Variants in NTSR1 observed in about 807,000 individuals in gnomAD.
NTSR1 encodes the protein neurotensin receptor type 1.
NTSR1 carries 29 observed loss-of-function variants against 31.2 expected under a neutral mutation model. That is an observed-to-expected ratio of 0.93 (90% CI 0.69 to 1.27). NTSR1 has a LOEUF of 1.27. NTSR1 is among the 50% of genes most tolerant of loss of function. The pLI, the probability that NTSR1 is intolerant of heterozygous loss-of-function variation, is 0.00. For synonymous variants in NTSR1, 282 were observed against 269.9 expected, an observed-to-expected ratio of 1.04 and a Z score of -0.44; for missense variants, 697 against 595.4, an observed-to-expected ratio of 1.17 and a Z score of -1.78.
intron 1 of NTSR1, among the ~76,000 whole-genome samples, chr20:62,752,602 C>T: frequency 6.6e-6 from 1 of 152,260 alleles, no homozygotes; most frequent in East Asian, 1.9e-4. Context: ...GACCCTACAA[C>T]CCACCAGCCC....
Position 62,761,959 on chromosome 20 carries a change from C to G in NTSR1, c.*1692C>G, listed in dbSNP as rs1428748341. The G allele has an allele frequency of 2.6e-5, 4 of 152,384 alleles. No individual in the cohort carries two copies. The highest frequency in any genetic ancestry group is 5.9e-5 in the Non-Finnish European group (4 of 68,186). The allele number at this position is 152,384 out of a possible 1,614,324, so 9.4% of individuals were successfully genotyped here. On this transcript the variant is annotated 3_prime_UTR_variant, in exon 4 of 4. Transcript: ENST00000370501. ...GCCTGGTCATCAGCCAGGCAGCCCT[C>G]CCAGTGCCCAAGGGCCACCAACCCC...
intron 1 of NTSR1, among the ~76,000 whole-genome samples, chr20:62,712,724 C>T (rs1035703611): frequency 2.0e-5 from 3 of 152,212 alleles, no homozygotes; most frequent in South Asian, 2.1e-4. Context: ...GACTGTCCTA[C>T]CCATCCTCTA....
At chr20:62,727,864 G>A (rs1168862213) in intron 1 of NTSR1, among the ~76,000 whole-genome samples, 1 of 152,268 alleles carries the variant, frequency 6.6e-6, no homozygotes, top group Non-Finnish European at 1.5e-5. Context: ...CAAGGGTGGG[G>A]CCAAGTGGGC....
chr20:62,716,330 A>G (rs1431261605), intron 1 of NTSR1, among the ~76,000 whole-genome samples: 1 of 151,930 alleles, frequency 6.6e-6, no homozygotes, highest in Non-Finnish European at 1.5e-5. Context: ...CTGCTGAAAG[A>G]CGCCAGACTC....
Position 62,760,343 on chromosome 20 carries a change from C to G in NTSR1, c.*76C>G. The G allele has an allele frequency of 6.6e-7, 1 of 1,511,696 alleles. No individual in the cohort carries two copies. The highest frequency in any genetic ancestry group is 1.3e-5 in the South Asian group (1 of 78,670). The allele number at this position is 1,511,696 out of a possible 1,614,324, so 93.6% of individuals were successfully genotyped here. A position where few individuals can be genotyped will look rare whatever the true frequency, so the allele number is the denominator to read the frequency against. ...CCCCGACAGACAGAGCAGCCCCCACCCGGGAGCCTTGATGGGGGTCAGGCA... is the reference window on the plus strand; with the variant it reads ...CCCCGACAGACAGAGCAGCCCCCACGCGGGAGCCTTGATGGGGGTCAGGCA... On this transcript the variant is annotated 3_prime_UTR_variant, in exon 4 of 4. Transcript: ENST00000370501.
chr20:62,746,708 G>T (rs1176548159), intron 1 of NTSR1, among the ~76,000 whole-genome samples: 2 of 152,226 alleles, frequency 1.3e-5, no homozygotes, highest in Admixed American at 6.5e-5. Context: ...GCTTCCTAGA[G>T]TCAATCGCGA....
chr20:62,755,261 CTCCA>C (rs146951815), intron 2 of NTSR1, among the ~76,000 whole-genome samples: 27 of 132,814 alleles, frequency 2.0e-4, no homozygotes, highest in African/African-American at 7.9e-4. Flanking sequence ...CTACCTCTCC[CTCCA>C]TCCATCCCTC....
rs2147142913 is a variant in NTSR1, at chr20:62,741,739, A to C, written c.715-12946A>C. Among the ~76,000 whole-genome samples, 1 of 149,858 alleles carries C rather than the reference A, an allele frequency of 6.7e-6. No individual in the cohort carries two copies. The highest frequency in any genetic ancestry group is 2.1e-4 in the South Asian group (1 of 4,752). On this transcript the variant is annotated intron_variant, in intron 1 of 3. Transcript: ENST00000370501. This position sits in a 1 kb window ranked among gnomAD's most constrained non-coding sequence, Gnocchi z 4.3. ...GTCCCTGAGAGGTCGCCAAGGAGCCACAGCCTTGGACTAGATGCTCTCAAA... is the reference window on the plus strand; with the variant it reads ...GTCCCTGAGAGGTCGCCAAGGAGCCCCAGCCTTGGACTAGATGCTCTCAAA...
In NTSR1 at chr20:62,709,911, T is replaced by C. The variant is rs765918766; in HGVS notation, c.704T>C (p.Val235Ala). The change falls in exon 1 of 4, where the codon GTC becomes GCC. Residue 235 changes from valine to alanine, a missense_variant. By Grantham distance (64) the Val-to-Ala change is moderately conservative. Transcript: ENST00000370501. ...TPTIHTATVK[V>A]VIQVNTFMSF... ...ACCATCCACACTGCCACCGTCAAGG[T>C]CGTCATACAGGTGAGCCTCAGTAAC... is the stretch of plus-strand genomic sequence containing the variant. 5.6e-6 allele frequency: 9 copies of C among 1,593,332 alleles called. No homozygotes were observed. Among genetic ancestry groups the C allele is most frequent in the South Asian group, 3.3e-5 (3 of 89,686 alleles).
intron 1 of NTSR1, among the ~76,000 whole-genome samples, chr20:62,723,088 A>G (rs1193609924): frequency 6.6e-6 from 1 of 152,190 alleles, no homozygotes; most frequent in African/African-American, 2.4e-5. Flanking sequence ...GAAAAGGTGA[A>G]CTTACTGTAA....
intron 1 of NTSR1, among the ~76,000 whole-genome samples, chr20:62,713,453 G>A (rs891524647): frequency 8.5e-5 from 13 of 152,182 alleles, no homozygotes; most frequent in African/African-American, 3.1e-4. Context: ...CAGAATTCCG[G>A]GAAAGGAGAG....
At chr20:62,713,825 C>T (rs938292670) in intron 1 of NTSR1, among the ~76,000 whole-genome samples, 2 of 152,176 alleles carry the variant, frequency 1.3e-5, no homozygotes, top group Non-Finnish European at 2.9e-5. Flanking sequence ...GAAGGCCGGG[C>T]GTGGTGGCTC....
At position 62,709,616 on chromosome 20, in the gene NTSR1, G is replaced by C. The variant is rs1368126278; in HGVS notation, c.409G>C (p.Gly137Arg). 1.2e-6 allele frequency: 2 copies of C among 1,611,678 alleles called. No homozygotes were observed. The highest frequency in any genetic ancestry group is 1.3e-5 in the African/African-American group (1 of 74,932). Reference sequence around the variant, plus strand: ...CTGGGTGCACCACCCCTGGGCCTTCGGCGACGCCGGCTGCCGCGGCTACTA... The same window carrying C: ...CTGGGTGCACCACCCCTGGGCCTTCCGCGACGCCGGCTGCCGCGGCTACTA... ...FIWVHHPWAF[G>R]DAGCRGYYFL... The change falls in exon 1 of 4, where the codon GGC (glycine) becomes CGC (arginine). Residue 137 changes from glycine (G) to arginine (R), a missense_variant. Transcript: ENST00000370501.
chr20:62,732,129 A>G lies in NTSR1; in HGVS notation c.714+22208A>G, dbSNP rs1989010972. 6.6e-6 allele frequency among the ~76,000 whole-genome samples: 1 copy of G among 151,858 alleles called. No individual in the cohort carries two copies. The highest frequency in any genetic ancestry group is 6.6e-5 in the Admixed American group (1 of 15,226). ...AGTGAGACTCCATTTCAAAAAAAAA[A>G]AAAAAATTACACTGTACCGATAACT... On this transcript the variant is annotated intron_variant, in intron 1 of 3. Transcript: ENST00000370501. This position sits in a 1 kb window ranked among gnomAD's most constrained non-coding sequence, Gnocchi z 4.0.
Position 62,709,678 on chromosome 20 carries a change from C to T in NTSR1, c.471C>T (p.Leu157=), listed in dbSNP as rs115762027. The T allele has an allele frequency of 1.4e-5, 22 of 1,612,768 alleles. No homozygotes were observed. The African/African-American group carries it at 2.5e-4, about 19-fold the overall frequency. Residue 157 remains leucine (L), a synonymous_variant, in exon 1 of 4, where the codon CTC becomes CTT. Coordinates refer to ENST00000370501, the MANE Select transcript of NTSR1 (RefSeq NM_002531.3). ...ACGCCTGCACCTACGCCACGGCCCT[C>T]AACGTGGCCAGCCTGAGTGTGGAGC... ...LRDACTYATA[L]NVASLSVERY...
chr20:62,709,363 C>G lies in NTSR1; in HGVS notation c.156C>G (p.Ser52Arg). 6.2e-7 allele frequency: 1 copy of G among 1,609,270 alleles called. No homozygotes were observed. Among genetic ancestry groups the G allele is most frequent in the Non-Finnish European group, 8.5e-7 (1 of 1,177,790 alleles). The change falls in exon 1 of 4, where the codon AGC becomes AGG. Residue 52 changes from serine (S) to arginine (R), a missense_variant. Transcript: ENST00000370501. ...ASERVLAAPSSELDVNTDIYS... is the reference protein window; with the variant it reads ...ASERVLAAPSRELDVNTDIYS... ...AGCGCGTCCTGGCGGCACCCAGCAG[C>G]GAGCTGGACGTGAACACCGACATCT...
chr20:62,744,868 A>C lies in NTSR1; in HGVS notation c.715-9817A>C, dbSNP rs548565826. ...CTTCTGAGAGGCTTGAGGCCCTACC[A>C]ACCACTCAAACGCCATTCCCAGACC... is the stretch of plus-strand genomic sequence containing the variant. On this transcript the variant is annotated intron_variant, in intron 1 of 3. Coordinates refer to ENST00000370501, the MANE Select transcript of NTSR1 (RefSeq NM_002531.3). The surrounding 1 kb of genome is among the most constrained non-coding windows in gnomAD (Gnocchi z 4.1). Among the ~76,000 whole-genome samples the C allele has an allele frequency of 9.8e-5, 15 of 152,308 alleles. 1 individual carries two copies. Among genetic ancestry groups the C allele is most frequent in the African/African-American group, 3.6e-4 (15 of 41,556 alleles).
At chr20:62,757,925 C>G (rs1317703981) in intron 2 of NTSR1, among the ~76,000 whole-genome samples, 1 of 152,024 alleles carries the variant, frequency 6.6e-6, no homozygotes, top group South Asian at 2.1e-4. Context: ...CCACTGAGCC[C>G]ACGCCTCTGT....
Position 62,727,215 on chromosome 20 carries a change from G to C in NTSR1, c.714+17294G>C, listed in dbSNP as rs537792833. On this transcript the variant is annotated intron_variant, in intron 1 of 3. Coordinates refer to ENST00000370501, the MANE Select transcript of NTSR1 (RefSeq NM_002531.3). ...CTCCGCACTGCCCCCACCCTGAGCC[G>C]GGCTCCTGCAGGCTCCCCGGCCCCA... Among the ~76,000 whole-genome samples, 227 of 152,268 alleles carry C rather than the reference G, an allele frequency of 1.5e-3. 1 individual carries two copies. Among genetic ancestry groups the C allele is most frequent in the African/African-American group, 5.0e-3 (209 of 41,556 alleles).
Sources: allele counts gnomAD v4.1 joint callset (sites outside exome capture counted in the v4.1 genomes callset), GRCh38; gene constraint gnomAD v4.1.1; non-coding constraint Gnocchi (gnomAD v3.1); transcripts MANE v1.5; gene names NCBI Gene and HGNC (gene_info 2026-07-23, HGNC 2026-07-21).